TLK2: variants seen among roughly 807,000 people sequenced by gnomAD.
The protein encoded by TLK2 is tousled like kinase 2.
In TLK2, 6 loss-of-function variants were observed where a neutral mutation model predicts 117.3. That is an observed-to-expected ratio of 0.05 (90% CI 0.03 to 0.10). The LOEUF (loss-of-function observed/expected upper bound fraction) is 0.10. Among genes scored for constraint, TLK2 ranks in the 10% least tolerant of loss-of-function variants. The pLI, the probability that TLK2 is intolerant of heterozygous loss-of-function variation, is 1.00. For missense variants in TLK2, 299 were observed against 901.2 expected, an observed-to-expected ratio of 0.33 and a Z score of 8.56; for synonymous variants, 257 against 316.7, an observed-to-expected ratio of 0.81 and a Z score of 2.00.
chr17:62,484,158 G>A (rs1051158576), intron 2 of TLK2, among the ~76,000 whole-genome samples: 3 of 151,894 alleles, frequency 2.0e-5, no homozygotes, highest in African/African-American at 7.3e-5. Flanking sequence ...TTCCAGTCAC[G>A]GTAAGTATAT....
At chr17:62,525,125 A>G (rs969218499) in intron 6 of TLK2, among the ~76,000 whole-genome samples, 17 of 152,206 alleles carry the variant, frequency 1.1e-4, no homozygotes, top group African/African-American at 3.9e-4. Context: ...AGTGTGCTCT[A>G]TCCCCTAATA....
chr17:62,496,052 T>A (rs963760890), intron 2 of TLK2, among the ~76,000 whole-genome samples: 1 of 152,148 alleles, frequency 6.6e-6, no homozygotes, highest in East Asian at 1.9e-4. Flanking sequence ...CTTCTACATT[T>A]CTCCCTTATC....
At chr17:62,559,275 C>T (rs903349204) in intron 9 of TLK2, among the ~76,000 whole-genome samples, 8 of 142,290 alleles carry the variant, frequency 5.6e-5, no homozygotes, top group Non-Finnish European at 9.3e-5. Context: ...TTCTTAAATG[C>T]GACTAGAAAA....
intron 15 of TLK2, among the ~76,000 whole-genome samples, chr17:62,581,098 A>G (rs1035895251): frequency 1.3e-5 from 2 of 151,946 alleles, no homozygotes; most frequent in Non-Finnish European, 2.9e-5. Context: ...TTGCAGCCTC[A>G]AACTGCTGGG....
intron 15 of TLK2, among the ~76,000 whole-genome samples, chr17:62,583,556 A>C (rs777465222): frequency 6.6e-6 from 1 of 151,508 alleles, no homozygotes; most frequent in African/African-American, 2.4e-5. Flanking sequence ...ATTTTTTCCT[A>C]ATGTATTTCT....
chr17:62,475,113 T>TG (rs2071013523), upstream of TLK2, among the ~76,000 whole-genome samples: 1 of 152,184 alleles, frequency 6.6e-6, no homozygotes, highest in Non-Finnish European at 1.5e-5. Context: ...TGTTAGGAAT[T>TG]GGAAGAAGAG....
chr17:62,608,721 G>A (rs924819316), intron 21 of TLK2, among the ~76,000 whole-genome samples: 1 of 152,128 alleles, frequency 6.6e-6, no homozygotes, highest in African/African-American at 2.4e-5. Flanking sequence ...CCATGACACG[G>A]GATTATGGGA....
intron 11 of TLK2, among the ~76,000 whole-genome samples, chr17:62,571,425 T>G (rs1015922474): frequency 1.3e-5 from 2 of 151,682 alleles, no homozygotes; most frequent in African/African-American, 4.8e-5. Flanking sequence ...GCAGCCATCT[T>G]TTTTTTTTCG....
chr17:62,510,427 A>G (rs554864306), intron 2 of TLK2, among the ~76,000 whole-genome samples: 3 of 152,310 alleles, frequency 2.0e-5, no homozygotes, highest in South Asian at 4.1e-4. Flanking sequence ...GAGTTTACTG[A>G]TCTTCTTATG....
intron 19 of TLK2, among the ~76,000 whole-genome samples, chr17:62,602,865 AG>A (rs2082971334): frequency 6.6e-6 from 1 of 152,204 alleles, no homozygotes; most frequent in South Asian, 2.1e-4. Context: ...CCTGAAACTC[AG>A]GCCTTTAACT....
At chr17:62,498,775 G>T (rs2073938147) in intron 2 of TLK2, among the ~76,000 whole-genome samples, 1 of 152,126 alleles carries the variant, frequency 6.6e-6, no homozygotes, top group African/African-American at 2.4e-5. Flanking sequence ...TATTTTATGT[G>T]GGGAAAAGTG....
chr17:62,546,344 G>GTTTGTTTTTTTTTTTTTTTTTTT (rs1555628574), intron 7 of TLK2, among the ~76,000 whole-genome samples: 1 of 23,346 alleles, frequency 4.3e-5, no homozygotes, highest in Admixed American at 9.6e-4. Context: ...TTTGTTGATT[G>GTTTGTTTTTTTTTTTTTTTTTTT]TTTTTTTTTT....
chr17:62,482,658 C>T (rs1204082968), intron 2 of TLK2, among the ~76,000 whole-genome samples: 1 of 151,916 alleles, frequency 6.6e-6, no homozygotes, highest in Non-Finnish European at 1.5e-5. Context: ...TCCATGTTGG[C>T]CAGGCTGGGT....
intron 19 of TLK2, among the ~76,000 whole-genome samples, chr17:62,605,662 G>C (rs564819218): frequency 6.6e-6 from 1 of 152,208 alleles, no homozygotes; most frequent in African/African-American, 2.4e-5. Context: ...ACCCCGCCTA[G>C]AGTGTCTTTT....
intron 7 of TLK2, among the ~76,000 whole-genome samples, chr17:62,539,506 G>T (rs1238564241): frequency 6.9e-6 from 1 of 145,244 alleles, no homozygotes; most frequent in Non-Finnish European, 1.5e-5. Context: ...TTGAGACAGG[G>T]TCTCACTCTG....
intron 2 of TLK2, among the ~76,000 whole-genome samples, chr17:62,482,563 C>A (rs146104673): frequency 9.9e-5 from 15 of 151,718 alleles, no homozygotes; most frequent in African/African-American, 3.1e-4. Context: ...GATTCTCTTG[C>A]CTCAGCATCC....
At chr17:62,578,250 G>A (rs576798235) in intron 13 of TLK2, among the ~76,000 whole-genome samples, 2 of 152,298 alleles carry the variant, frequency 1.3e-5, no homozygotes, top group African/African-American at 4.8e-5. Flanking sequence ...GAGGGAGGAG[G>A]AGGGTAGGGA....
intron 10 of TLK2, 101 bp downstream of exon 10, chr17:62,560,227 T>C (rs1165506132): frequency 2.0e-5 from 17 of 834,732 alleles, no homozygotes; most frequent in Admixed American, 7.1e-5. Context: ...TATTTAAAAG[T>C]AGAGCTTTTT....
chr17:62,476,572 G>C (rs150930997), upstream of TLK2, among the ~76,000 whole-genome samples: 1,594 of 145,434 alleles, frequency 0.011, 14 homozygotes, highest in Non-Finnish European at 0.016. Flanking sequence ...GACAGTGTGA[G>C]ACTCTGTCAC....
Sources: allele counts gnomAD v4.1 joint callset (sites outside exome capture counted in the v4.1 genomes callset), GRCh38; gene constraint gnomAD v4.1.1; transcripts MANE v1.5; gene names NCBI Gene and HGNC (gene_info 2026-07-23, HGNC 2026-07-21).